The following RARB variants were observed in gnomAD, a reference collection of about 807,000 sequenced individuals.
RARB encodes the protein retinoic acid receptor beta, also known as HBV-activated protein.
A neutral mutation model predicts 51.9 loss-of-function variants in RARB; 17 were observed. The observed-to-expected ratio is 0.33, with a 90% CI of 0.22 to 0.49. The LOEUF (loss-of-function observed/expected upper bound fraction) is 0.49, where lower values mean the gene tolerates loss of function less well. Ranked by LOEUF, RARB falls within the 20% of genes least tolerant of loss-of-function variation. RARB has a pLI of 0.99. For missense variants in RARB, 369 were observed against 550.8 expected, an observed-to-expected ratio of 0.67 and a Z score of 3.30; for synonymous variants, 215 against 195.4, an observed-to-expected ratio of 1.10 and a Z score of -0.84.
intron 2 of RARB, among the ~76,000 whole-genome samples, chr3:24,879,559 C>T (rs1435563758): frequency 1.4e-5 from 2 of 141,870 alleles, no homozygotes; most frequent in African/African-American, 5.3e-5. Context: ...TGTGGTGGCT[C>T]TCCTCTGTAA....
intron 3 of RARB, among the ~76,000 whole-genome samples, chr3:25,083,472 T>C (rs1699048338): frequency 6.6e-6 from 1 of 152,190 alleles, no homozygotes; most frequent in Admixed American, 6.5e-5. Flanking sequence ...ATTTTTCATT[T>C]CTAGAATTTT....
At chr3:25,155,102 T>C (rs1487490809) in intron 4 of RARB, among the ~76,000 whole-genome samples, 3 of 152,240 alleles carry the variant, frequency 2.0e-5, no homozygotes, top group Non-Finnish European at 4.4e-5. Context: ...ATCACTATTC[T>C]CTTTCCGTAT....
intron 5 of RARB, among the ~76,000 whole-genome samples, chr3:25,225,274 T>G (rs2125386963): frequency 6.6e-6 from 1 of 151,092 alleles, no homozygotes; most frequent in East Asian, 2.0e-4. Flanking sequence ...AAAGAAGACT[T>G]CAAGAAGAGG....
chr3:25,090,855 C>T (rs143544332), intron 3 of RARB, among the ~76,000 whole-genome samples: 1 of 152,240 alleles, frequency 6.6e-6, no homozygotes, highest in African/African-American at 2.4e-5. Context: ...ACTCACACTC[C>T]ATTTTTCATG....
chr3:25,373,936 T>C (rs1233080942), intron 5 of RARB, among the ~76,000 whole-genome samples: 2 of 152,124 alleles, frequency 1.3e-5, no homozygotes, highest in African/African-American at 4.8e-5. Flanking sequence ...TCTGGCTAGA[T>C]AGAGTACATG....
intron 2 of RARB, among the ~76,000 whole-genome samples, chr3:24,981,635 T>C (rs932136120): frequency 1.1e-4 from 16 of 152,034 alleles, no homozygotes; most frequent in Non-Finnish European, 4.4e-5. Flanking sequence ...GTGAAGACCA[T>C]GGGAAAAGCA....
At chr3:24,831,518 C>G (rs570151885) in intron 1 of RARB, among the ~76,000 whole-genome samples, 1 of 152,114 alleles carries the variant, frequency 6.6e-6, no homozygotes. Context: ...AACAAAATAA[C>G]CTCATTTGCT....
intron 2 of RARB, among the ~76,000 whole-genome samples, chr3:24,926,758 T>C (rs952001681): frequency 1.1e-4 from 17 of 151,234 alleles, no homozygotes; most frequent in African/African-American, 3.9e-4. Context: ...AATCAGAGCT[T>C]CTGGGTACTA....
At chr3:25,135,812 C>G (rs1020710614) in intron 4 of RARB, among the ~76,000 whole-genome samples, 1 of 151,822 alleles carries the variant, frequency 6.6e-6, no homozygotes, top group Non-Finnish European at 1.5e-5. Context: ...AATCAGGCAC[C>G]ATGCACCAAG....
At chr3:25,096,777 G>C (rs1405873594) in intron 3 of RARB, among the ~76,000 whole-genome samples, 2 of 152,092 alleles carry the variant, frequency 1.3e-5, no homozygotes. Context: ...TCTGTCAGTT[G>C]AGGCTCCTGG....
chr3:25,004,322 T>C lies in RARB; in HGVS notation c.-379-55803T>C, dbSNP rs112246573. On this transcript the variant is annotated intron_variant, in intron 2 of 11. Coordinates refer to the RARB transcript ENST00000383772. Reference sequence around the variant, plus strand: ...TTTAGTGAAAATACAGCGTTTTAGTTTGTTTTGTAGTGCTATAACAGGATA... The same window carrying C: ...TTTAGTGAAAATACAGCGTTTTAGTCTGTTTTGTAGTGCTATAACAGGATA... Among the ~76,000 whole-genome samples, 698 of 152,190 alleles carry C rather than the reference T, an allele frequency of 4.6e-3. 2 individuals carry two copies. The highest frequency in any genetic ancestry group is 0.016 in the African/African-American group (677 of 41,532).
intron 5 of RARB, among the ~76,000 whole-genome samples, chr3:25,279,628 T>C (rs1024589004): frequency 2.1e-5 from 3 of 145,926 alleles, no homozygotes; most frequent in African/African-American, 8.2e-5. Flanking sequence ...GGGAGAAAGA[T>C]TGGGACCAAA....
intron 3 of RARB, among the ~76,000 whole-genome samples, chr3:25,507,027 C>G (rs931403933): frequency 2.0e-5 from 3 of 152,272 alleles, no homozygotes; most frequent in African/African-American, 7.2e-5. Context: ...TCATTCCACA[C>G]TCTAGGCAGA....
intron 5 of RARB, among the ~76,000 whole-genome samples, chr3:25,291,940 C>T (rs1388351339): frequency 2.0e-5 from 3 of 152,114 alleles, no homozygotes; most frequent in Admixed American, 6.6e-5. Context: ...CTTTAACTTT[C>T]CCTCTCTTAT....
intron 5 of RARB, among the ~76,000 whole-genome samples, chr3:25,590,157 T>A (rs1201414302): frequency 6.6e-6 from 1 of 152,248 alleles, no homozygotes; most frequent in East Asian, 1.9e-4. Flanking sequence ...GTTTCGGCTT[T>A]GAACTTTCTA....
At chr3:24,868,368 C>G (rs575482929) in intron 2 of RARB, among the ~76,000 whole-genome samples, 149 of 152,196 alleles carry the variant, frequency 9.8e-4, no homozygotes, top group African/African-American at 3.4e-3. Context: ...GCTGATAAAG[C>G]TTTTAAAAAG....
chr3:25,136,599 G>A (rs1700034937), intron 4 of RARB, among the ~76,000 whole-genome samples: 2 of 151,984 alleles, frequency 1.3e-5, no homozygotes, highest in Admixed American at 6.6e-5. Flanking sequence ...GGTTGAAATG[G>A]CCATAGAAAA....
chr3:25,298,437 C>G (rs1421268904), intron 5 of RARB, among the ~76,000 whole-genome samples: 1 of 152,094 alleles, frequency 6.6e-6, no homozygotes, highest in Admixed American at 6.6e-5. Context: ...GCCTTGGCCT[C>G]TAGTACATGC....
chr3:25,460,428 TTTTATTTATTTATTTA>T (rs58159674), intron 1 of RARB, among the ~76,000 whole-genome samples: 1 of 145,582 alleles, frequency 6.9e-6, no homozygotes, highest in Non-Finnish European at 1.5e-5. Context: ...ATTTTAAAAT[TTTTATTTATTTATTTA>T]TTTATTTATT....
Sources: allele counts gnomAD v4.1 joint callset (sites outside exome capture counted in the v4.1 genomes callset), GRCh38; gene constraint gnomAD v4.1.1; transcripts MANE v1.5; gene names NCBI Gene and HGNC (gene_info 2026-07-23, HGNC 2026-07-21).